The following PNPLA7 variants were observed in gnomAD, a reference collection of about 807,000 sequenced individuals.
The protein encoded by PNPLA7 is patatin like domain 7, lysophospholipase.
A neutral mutation model predicts 161.7 loss-of-function variants in PNPLA7; 153 were observed. That is an observed-to-expected ratio of 0.95 (90% CI 0.83 to 1.08). The LOEUF (loss-of-function observed/expected upper bound fraction) is 1.08, where lower values mean the gene tolerates loss of function less well. PNPLA7 is among the 50% of genes least tolerant of loss of function. The pLI is 0.00. For missense variants in PNPLA7, 1,739 were observed against 1,856.6 expected (o/e 0.94, Z 1.16); for synonymous variants, 809 against 782.1 (o/e 1.03, Z -0.57).
intron 20 of PNPLA7, among the ~76,000 whole-genome samples, chr9:137,487,953 G>GA (rs1012495446): frequency 6.6e-6 from 1 of 152,262 alleles, no homozygotes; most frequent in African/African-American, 2.4e-5. Flanking sequence ...GAGGAGCGGG[G>GA]GACTCAGGCC....
At chr9:137,538,156 C>T (rs1002605694) in intron 8 of PNPLA7, among the ~76,000 whole-genome samples, 4 of 152,212 alleles carry the variant, frequency 2.6e-5, no homozygotes, top group Admixed American at 6.5e-5. Flanking sequence ...AGATGAGCAC[C>T]GGCCTTCTAA....
At chr9:137,504,048 AGAAG>A (rs758404874) in intron 14 of PNPLA7, among the ~76,000 whole-genome samples, 24 of 151,226 alleles carry the variant, frequency 1.6e-4, no homozygotes, top group Non-Finnish European at 3.0e-4. Context: ...AGAAGAAAGA[AGAAG>A]GAAGAAGAAG....
At chr9:137,516,471 A>G in intron 11 of PNPLA7, 1 of 985,280 alleles carries the variant, frequency 1.0e-6, no homozygotes, top group Non-Finnish European at 1.2e-6. Flanking sequence ...CATGGACCTA[A>G]TCCAGTGAAA....
At chr9:137,522,093 G>T (rs1835023606) in intron 9 of PNPLA7, among the ~76,000 whole-genome samples, 2 of 151,602 alleles carry the variant, frequency 1.3e-5, no homozygotes, top group African/African-American at 2.4e-5. Context: ...ATTTTTTTTT[G>T]ACATGGTGTC....
At chr9:137,545,754 G>A (rs1470782771) in intron 4 of PNPLA7, among the ~76,000 whole-genome samples, 1 of 152,232 alleles carries the variant, frequency 6.6e-6, no homozygotes, top group Non-Finnish European at 1.5e-5. Flanking sequence ...AGTGAGGAGT[G>A]ACCAGAAGAC....
At chr9:137,530,018 G>GC (rs1187980042) in intron 8 of PNPLA7, among the ~76,000 whole-genome samples, 1 of 150,770 alleles carries the variant, frequency 6.6e-6, no homozygotes, top group Non-Finnish European at 1.5e-5. Context: ...AGGCTGTGGT[G>GC]CAGTGGCATG....
At position 137,468,853 on chromosome 9, in the gene PNPLA7, A is replaced by G. The variant is rs1276863745; in HGVS notation, c.2883-1380T>C. Among the ~76,000 whole-genome samples the G allele has an allele frequency of 6.6e-6, 1 of 152,166 alleles. No homozygotes were observed. The highest frequency in any genetic ancestry group is 1.9e-4 in the East Asian group (1 of 5,202). On this transcript the variant is annotated intron_variant, in intron 25 of 34. Transcript: ENST00000406427. The surrounding 1 kb of genome is among the most constrained non-coding windows in gnomAD (Gnocchi z 4.0). ...ATATTAATACTTAATTGGATACTCA[A>G]AAATGGTTAAGTGGTAAATTTTATG...
chr9:137,530,973 A>G (rs754969845), intron 8 of PNPLA7, among the ~76,000 whole-genome samples: 5 of 152,216 alleles, frequency 3.3e-5, no homozygotes, highest in African/African-American at 7.2e-5. Flanking sequence ...GGCCCCGCAC[A>G]TCGAGCACAC....
chr9:137,515,625 G>A lies in PNPLA7; in HGVS notation c.1085-106C>T, dbSNP rs547928208. The stretch of plus-strand genomic sequence containing the variant: ...GAGCAGGGTCCCCACAGTGCCCTGC[G>A]CACCTGAACGCGCTCTGGACCAGCC... On this transcript the variant is annotated intron_variant, in intron 11 of 34. Coordinates refer to ENST00000406427, the MANE Select transcript of PNPLA7 (RefSeq NM_001098537.3). The A allele has an allele frequency of 5.8e-4, 774 of 1,341,016 alleles. 10 individuals carry two copies. In the South Asian group the frequency reaches 0.011, roughly 19 times the overall value. The allele number at this position is 1,341,016 out of a possible 1,614,324, so 83.1% of individuals were successfully genotyped here.
At chr9:137,478,208 C>T in intron 24 of PNPLA7, 56 bp from the exon 25 acceptor site, 1 of 1,211,590 alleles carries the variant, frequency 8.3e-7, no homozygotes, top group Non-Finnish European at 1.1e-6. Flanking sequence ...CGGCCGAGAC[C>T]TCGCATCCTG....
chr9:137,539,334 C>T (rs533259650), intron 8 of PNPLA7, among the ~76,000 whole-genome samples: 1 of 152,216 alleles, frequency 6.6e-6, no homozygotes, highest in Non-Finnish European at 1.5e-5. Context: ...CAGAGCGAGA[C>T]TCCATCTCAA....
Position 137,550,284 on chromosome 9 carries a change from C to G in PNPLA7, c.-87G>C, listed in dbSNP as rs1266243844. On this transcript the variant is annotated 5_prime_UTR_variant, in exon 1 of 35. Coordinates refer to ENST00000406427, the MANE Select transcript of PNPLA7 (RefSeq NM_001098537.3). ...CACCTCTACCCGCTCATGCTCACAC[C>G]TGGACACTTTTCCCTGGGTTCCTTT... The G allele has an allele frequency of 2.6e-5, 37 of 1,438,450 alleles. No homozygotes were observed. The highest frequency in any genetic ancestry group is 5.1e-5 in the Admixed American group (3 of 59,216). The allele number at this position is 1,438,450 out of a possible 1,614,324, so 89.1% of individuals were successfully genotyped here. A position where few individuals can be genotyped will look rare whatever the true frequency, so the allele number is the denominator to read the frequency against.
Position 137,467,519 on chromosome 9 carries a change from G to A in PNPLA7, c.2883-46C>T. 6.2e-7 allele frequency: 1 copy of A among 1,601,090 alleles called. No individual in the cohort carries two copies. Among genetic ancestry groups the A allele is most frequent in the Non-Finnish European group, 8.5e-7 (1 of 1,173,716 alleles). On this transcript the variant is annotated intron_variant, in intron 25 of 34. Transcript: ENST00000406427. The surrounding 1 kb of genome is among the most constrained non-coding windows in gnomAD (Gnocchi z 5.1). ...GAGCAAGGAGTGAGTACCAGGCCCAGGCTGCGCCCTGCAGAGGCCTTGTGC... is the reference window on the plus strand; with the variant it reads ...GAGCAAGGAGTGAGTACCAGGCCCAAGCTGCGCCCTGCAGAGGCCTTGTGC...
intron 8 of PNPLA7, among the ~76,000 whole-genome samples, chr9:137,528,749 G>A (rs1835428052): frequency 6.6e-6 from 1 of 150,836 alleles, no homozygotes; most frequent in African/African-American, 2.4e-5. Context: ...TGCCCAGGCT[G>A]GAGTGCAGTG....
In PNPLA7 at chr9:137,478,107, AGTGTCG is replaced by A. The variant is rs1832027470; in HGVS notation, c.2803_2808del (p.Arg935_His936del). On this transcript the variant is annotated inframe_deletion, in exon 25 of 35. Transcript: ENST00000406427. ...ACCCTCGCCAGGCGGGAGAAGTCTG[AGTGTCG>A]GTCCGGGGGCCGCTGGAAGACATGC... 7.3e-7 allele frequency: 1 copy of A among 1,362,228 alleles called. No homozygotes were observed. Among genetic ancestry groups the A allele is most frequent in the Non-Finnish European group, 9.5e-7 (1 of 1,051,272 alleles). 84.4% of individuals were successfully genotyped at this position (1,362,228 alleles called of 1,614,324 possible). A position where few individuals can be genotyped will look rare whatever the true frequency, so the allele number is the denominator to read the frequency against.
intron 23 of PNPLA7, chr9:137,479,510 C>G: frequency 8.4e-7 from 1 of 1,183,518 alleles, no homozygotes; most frequent in African/African-American, 1.6e-5. Context: ...CATAAACACA[C>G]ACAGCAACCT....
rs750596323 is a variant in PNPLA7, at chr9:137,480,465, C to A, written c.2427G>T (p.Arg809=). ...SAALDSVHEY[R]LSSWLGQQED... is the part of the protein sequence containing the mutation. The stretch of plus-strand genomic sequence containing the variant: ...CCTGCTGCCCCAGCCAGCTGGACAG[C>A]CGGTACTCGTGAACACTGCAGCACG... Residue 809 remains arginine (R), a synonymous_variant, in exon 23 of 35, where the codon CGG becomes CGT. Coordinates refer to ENST00000406427, the MANE Select transcript of PNPLA7 (RefSeq NM_001098537.3). 1.2e-6 allele frequency: 2 copies of A among 1,611,448 alleles called. No individual in the cohort carries two copies. Among genetic ancestry groups the A allele is most frequent in the Non-Finnish European group, 1.7e-6 (2 of 1,178,628 alleles).
intron 21 of PNPLA7, among the ~76,000 whole-genome samples, chr9:137,482,950 G>T (rs11137250): frequency 0.02 from 3,006 of 152,306 alleles, 111 homozygotes; most frequent in African/African-American, 0.066. Flanking sequence ...TCAGCTCACT[G>T]CAACCTCCAC....
At chr9:137,502,556 C>G (rs190174888) in intron 14 of PNPLA7, among the ~76,000 whole-genome samples, 3 of 144,052 alleles carry the variant, frequency 2.1e-5, no homozygotes, top group South Asian at 2.3e-4. Context: ...CGGCCGCTGA[C>G]GGAGAGGCCG....
Sources: allele counts gnomAD v4.1 joint callset (sites outside exome capture counted in the v4.1 genomes callset), GRCh38; gene constraint gnomAD v4.1.1; non-coding constraint Gnocchi (gnomAD v3.1); transcripts MANE v1.5; gene names NCBI Gene and HGNC (gene_info 2026-07-23, HGNC 2026-07-21).